Variants in SORBS2 observed in about 807,000 individuals in gnomAD.
The protein encoded by SORBS2 is sorbin and SH3 domain-containing protein 2.
A neutral mutation model predicts 97.7 loss-of-function variants in SORBS2; 46 were observed. The observed-to-expected ratio is 0.47, with a 90% CI of 0.37 to 0.60. SORBS2 has a LOEUF of 0.60. SORBS2 is among the 20% of genes least tolerant of loss of function. The probability of loss-of-function intolerance (pLI) is 0.00; values close to 1 mark genes in which losing one functional copy is unlikely to be tolerated. For synonymous variants in SORBS2, 476 were observed against 473.4 expected, an observed-to-expected ratio of 1.01 and a Z score of -0.07; for missense variants, 1,316 against 1,282.3, an observed-to-expected ratio of 1.03 and a Z score of -0.40.
chr4:185,753,915 G>A (rs954263011), intron 2 of SORBS2, among the ~76,000 whole-genome samples: 1 of 152,148 alleles, frequency 6.6e-6, no homozygotes, highest in Non-Finnish European at 1.5e-5. Context: ...ACTTAAAACA[G>A]AACTATCATT....
At position 185,690,558 on chromosome 4, in the gene SORBS2, A is replaced by G; in HGVS notation, c.-197-11736T>C. ...AAAGAGTTTAAAACTAACAGACAGCATACCTGTGTTCATTTTCACCTTGGA... is the reference window on the plus strand; with the variant it reads ...AAAGAGTTTAAAACTAACAGACAGCGTACCTGTGTTCATTTTCACCTTGGA... On this transcript the variant is annotated intron_variant, in intron 2 of 20. Transcript: ENST00000284776. 1 of 1,524,834 alleles carries G rather than the reference A, an allele frequency of 6.6e-7. No individual in the cohort carries two copies. Among genetic ancestry groups the G allele is most frequent in the Non-Finnish European group, 8.9e-7 (1 of 1,128,556 alleles). 94.5% of individuals were successfully genotyped at this position (1,524,834 alleles called of 1,614,324 possible).
intron 1 of SORBS2, among the ~76,000 whole-genome samples, chr4:185,796,640 G>A (rs13127729): frequency 1.1e-4 from 4 of 36,846 alleles, no homozygotes; most frequent in Non-Finnish European, 2.2e-4. Flanking sequence ...GGTCACGGTG[G>A]GGCTGGGCAT....
chr4:185,638,696 G>A (rs796802063), intron 4 of SORBS2, among the ~76,000 whole-genome samples, 181 bp downstream of exon 14: 63 of 150,500 alleles, frequency 4.2e-4, no homozygotes, highest in African/African-American at 1.3e-3. Flanking sequence ...AGACAGGCGA[G>A]CTGGGGGGAG....
chr4:185,703,807 T>A (rs147946696), intron 2 of SORBS2, among the ~76,000 whole-genome samples: 1 of 152,230 alleles, frequency 6.6e-6, no homozygotes, highest in East Asian at 1.9e-4. Flanking sequence ...TGGCTATTTG[T>A]AAGGCTACTA....
chr4:185,885,241 T>G (rs111735953), intron 1 of SORBS2, among the ~76,000 whole-genome samples: 41 of 152,334 alleles, frequency 2.7e-4, no homozygotes, highest in African/African-American at 9.9e-4. Flanking sequence ...CAAATCCTCT[T>G]ATGTGAACTG....
Position 185,621,705 on chromosome 4 carries a change from C to T in SORBS2, c.2215+1209G>A, listed in dbSNP as rs946831692. On this transcript the variant is annotated intron_variant, in intron 7 of 14. Transcript: ENST00000418609. ...AGATTTGTGCAAGTTAATTAACAATCGAGCCATATTTGACACTAGTATGAA... is the reference window on the plus strand; with the variant it reads ...AGATTTGTGCAAGTTAATTAACAATTGAGCCATATTTGACACTAGTATGAA... 2.0e-5 allele frequency among the ~76,000 whole-genome samples: 3 copies of T among 151,504 alleles called. No homozygotes were observed. In the East Asian group the frequency reaches 5.8e-4, roughly 29 times the overall value.
chr4:185,636,532 T>C (rs576471963), intron 4 of SORBS2, among the ~76,000 whole-genome samples: 1 of 151,492 alleles, frequency 6.6e-6, no homozygotes, highest in African/African-American at 2.5e-5. Context: ...AATTGGTAGG[T>C]TATTTAAGAG....
intron 4 of SORBS2, chr4:185,675,148 T>A (rs972995863): frequency 9.2e-5 from 14 of 152,342 alleles, no homozygotes; most frequent in African/African-American, 3.4e-4. Context: ...TAACCGTCTC[T>A]GCGCAGCCTG....
intron 4 of SORBS2, among the ~76,000 whole-genome samples, chr4:185,643,452 A>C (rs1447805467): frequency 1.3e-5 from 2 of 152,198 alleles, no homozygotes; most frequent in Non-Finnish European, 2.9e-5. Flanking sequence ...TTTTGCTCGA[A>C]GGACAGTGAA....
At chr4:185,766,266 C>T (rs2098933512) in intron 2 of SORBS2, among the ~76,000 whole-genome samples, 1 of 152,184 alleles carries the variant, frequency 6.6e-6, no homozygotes, top group South Asian at 2.1e-4. Context: ...AATGAACCAT[C>T]TGGTGTGCCA....
At chr4:185,850,080 A>G (rs1315773487) in intron 1 of SORBS2, among the ~76,000 whole-genome samples, 1 of 152,216 alleles carries the variant, frequency 6.6e-6, no homozygotes, top group Non-Finnish European at 1.5e-5. Flanking sequence ...CTGGCTTGTT[A>G]TGAAACGAAG....
chr4:185,810,367 A>G (rs1271059082), intron 1 of SORBS2, among the ~76,000 whole-genome samples: 1 of 152,260 alleles, frequency 6.6e-6, no homozygotes, highest in East Asian at 1.9e-4. Flanking sequence ...TGAAAATTAT[A>G]CTTAAAATTC....
intron 2 of SORBS2, among the ~76,000 whole-genome samples, chr4:185,728,147 G>A (rs2098576345): frequency 6.6e-6 from 1 of 152,116 alleles, no homozygotes; most frequent in Non-Finnish European, 1.5e-5. Flanking sequence ...ACTCGATTCA[G>A]CTAAGGTTCT....
At chr4:185,665,198 G>A (rs1405192784) in intron 4 of SORBS2, among the ~76,000 whole-genome samples, 2 of 152,092 alleles carry the variant, frequency 1.3e-5, no homozygotes, top group Admixed American at 6.5e-5. Flanking sequence ...TAGGATTATC[G>A]ACATCATTCA....
intron 1 of SORBS2, among the ~76,000 whole-genome samples, chr4:185,834,574 C>T (rs2099206952): frequency 6.6e-6 from 1 of 151,940 alleles, no homozygotes; most frequent in African/African-American, 2.4e-5. Context: ...ACCCTTCTAC[C>T]AGCCGTATAG....
chr4:185,913,828 T>C (rs2099256646), intron 1 of SORBS2, among the ~76,000 whole-genome samples: 1 of 152,196 alleles, frequency 6.6e-6, no homozygotes, highest in Non-Finnish European at 1.5e-5. Context: ...AATAAATTTG[T>C]TTTTGAGCTC....
intron 1 of SORBS2, among the ~76,000 whole-genome samples, chr4:185,810,057 G>A (rs1215665568): frequency 6.6e-6 from 1 of 152,252 alleles, no homozygotes; most frequent in East Asian, 1.9e-4. Flanking sequence ...CATAGAATTG[G>A]ACTCAGAACT....
chr4:185,892,381 C>T (rs187264953), intron 1 of SORBS2, among the ~76,000 whole-genome samples: 1 of 152,222 alleles, frequency 6.6e-6, no homozygotes, highest in Non-Finnish European at 1.5e-5. Flanking sequence ...TTCCTTTTTG[C>T]AAACATTAAT....
At chr4:185,787,951 C>A (rs2099063756) in intron 1 of SORBS2, among the ~76,000 whole-genome samples, 1 of 152,204 alleles carries the variant, frequency 6.6e-6, no homozygotes, top group Non-Finnish European at 1.5e-5. Context: ...ACAGGTAAAG[C>A]CATGACCAGC....
Sources: allele counts gnomAD v4.1 joint callset (sites outside exome capture counted in the v4.1 genomes callset), GRCh38; gene constraint gnomAD v4.1.1; transcripts MANE v1.5; gene names NCBI Gene and HGNC (gene_info 2026-07-23, HGNC 2026-07-21).